PIK3C3: variants seen among roughly 807,000 people sequenced by gnomAD.
PIK3C3 encodes the protein PI3-kinase type 3.
PIK3C3 carries 95 observed loss-of-function variants against 126.1 expected under a neutral mutation model. That is an observed-to-expected ratio of 0.75 (90% CI 0.64 to 0.89). The LOEUF (loss-of-function observed/expected upper bound fraction) is 0.89. Ranked by LOEUF, PIK3C3 falls within the 40% of genes least tolerant of loss-of-function variation. The pLI is 0.00. For missense variants in PIK3C3, 829 were observed against 1,063.2 expected (o/e 0.78, Z 3.06); for synonymous variants, 374 against 360.0 (o/e 1.04, Z -0.44).
chr18:41,967,720 C>G (rs1268346309), intron 3 of PIK3C3, among the ~76,000 whole-genome samples: 2 of 152,150 alleles, frequency 1.3e-5, no homozygotes, highest in African/African-American at 4.8e-5. Flanking sequence ...TTCAAAGTAG[C>G]TAAAGAATGG....
intron 13 of PIK3C3, among the ~76,000 whole-genome samples, chr18:42,024,982 T>C (rs1983495185): frequency 6.6e-6 from 1 of 151,698 alleles, no homozygotes. Context: ...TTTTTTGTAT[T>C]TTTTTTAGTA....
chr18:42,054,175 T>TATATAG (rs1984950106), intron 21 of PIK3C3, among the ~76,000 whole-genome samples: 1 of 75,392 alleles, frequency 1.3e-5, no homozygotes, highest in Non-Finnish European at 2.5e-5. Flanking sequence ...TATATATATA[T>TATATAG]ATATATATAT....
At chr18:42,010,522 C>T (rs535677621) in intron 10 of PIK3C3, among the ~76,000 whole-genome samples, 68 of 152,164 alleles carry the variant, frequency 4.5e-4, no homozygotes, top group Non-Finnish European at 7.2e-4. Flanking sequence ...TATGCCACTG[C>T]GCCCACCTAA....
chr18:42,041,666 G>GT (rs1344279109), intron 19 of PIK3C3, among the ~76,000 whole-genome samples: 2 of 151,660 alleles, frequency 1.3e-5, no homozygotes, highest in Non-Finnish European at 2.9e-5. Context: ...GAAGGGCTTG[G>GT]TAGATGATGT....
In PIK3C3 at chr18:42,076,191, T is replaced by TGC. The variant is rs71370025; in HGVS notation, c.2650-4931_2650-4930dup. On this transcript the variant is annotated intron_variant, in intron 24 of 24. Transcript: ENST00000262039. ...ATATATATATATGCACATATATATA[T>TGC]GCACACATATATATATGCACATATA... Among the ~76,000 whole-genome samples the TGC allele has an allele frequency of 3.7e-4, 41 of 110,894 alleles. No homozygotes were observed. In the East Asian group the frequency reaches 0.011, roughly 28 times the overall value. The allele number at this position is 110,894 out of a possible 152,430, so 72.8% of individuals were successfully genotyped here.
intron 24 of PIK3C3, among the ~76,000 whole-genome samples, chr18:42,076,089 C>CACATATAT (rs1985962773): frequency 1.8e-5 from 1 of 54,660 alleles, no homozygotes; most frequent in African/African-American, 7.9e-5. Flanking sequence ...CTTTACCTTG[C>CACATATAT]ATATATATAT....
chr18:42,010,283 AT>A (rs1324384968), intron 10 of PIK3C3, among the ~76,000 whole-genome samples: 2 of 152,184 alleles, frequency 1.3e-5, no homozygotes, highest in Admixed American at 6.5e-5. Flanking sequence ...GATTGCAGCA[AT>A]TCAGTCACAT....
chr18:42,052,045 C>G (rs1984829982), intron 21 of PIK3C3, among the ~76,000 whole-genome samples: 1 of 151,844 alleles, frequency 6.6e-6, no homozygotes, highest in Non-Finnish European at 1.5e-5. Context: ...AGTATTACAT[C>G]TGTAATTTTA....
chr18:42,058,510 G>A (rs1016349704), intron 22 of PIK3C3, among the ~76,000 whole-genome samples: 2 of 152,104 alleles, frequency 1.3e-5, no homozygotes, highest in African/African-American at 4.8e-5. Context: ...AGTGATATTA[G>A]TTCAATCATT....
At chr18:42,046,660 A>T (rs1984572360) in intron 20 of PIK3C3, among the ~76,000 whole-genome samples, 1 of 152,140 alleles carries the variant, frequency 6.6e-6, no homozygotes, top group Non-Finnish European at 1.5e-5. Context: ...ATTTTCTAGC[A>T]AATTTATTTC....
rs1314592035 is a variant in PIK3C3, at chr18:42,033,945, T to C, written c.1827T>C (p.Ala609=). Residue 609 remains alanine (A), a synonymous_variant, in exon 16 of 25, where the codon GCT becomes GCC. Transcript: ENST00000262039. ...TTAGAGGAATAATTCCGGAAACAGC[T>C]ACACTGTTTAAAGTAATTGTGATGG... The part of the protein sequence containing the change: ...VKIRGIIPET[A]TLFKSALMPA... 1 of 1,601,098 alleles carries C rather than the reference T, an allele frequency of 6.2e-7. No homozygotes were observed. The highest frequency in any genetic ancestry group is 1.3e-5 in the African/African-American group (1 of 74,294).
chr18:42,033,075 A>T (rs1278151855), intron 15 of PIK3C3, among the ~76,000 whole-genome samples: 1 of 152,114 alleles, frequency 6.6e-6, no homozygotes, highest in Non-Finnish European at 1.5e-5. Context: ...TTAAAGAACA[A>T]ACTCACCTAT....
rs775480477 is a variant in PIK3C3 at position 42,033,935 on chromosome 18, C to T, written c.1817C>T (p.Pro606Leu). The change falls in exon 16 of 25, where the codon CCG (proline) becomes CTG (leucine). Residue 606 changes from proline (P) to leucine (L), a missense_variant. Transcript: ENST00000262039. Reference protein sequence around the residue: ...EPQVKIRGIIPETATLFKSAL... With the variant: ...EPQVKIRGIILETATLFKSAL... ...CAAGTGAAAATTAGAGGAATAATTCCGGAAACAGCTACACTGTTTAAAGTA... is the reference window on the plus strand; with the variant it reads ...CAAGTGAAAATTAGAGGAATAATTCTGGAAACAGCTACACTGTTTAAAGTA... 2.5e-6 allele frequency: 4 copies of T among 1,605,890 alleles called. No individual in the cohort carries two copies. Among genetic ancestry groups the T allele is most frequent in the Non-Finnish European group, 3.4e-6 (4 of 1,175,800 alleles).
chr18:42,048,349 G>A (rs1159378651), intron 20 of PIK3C3, among the ~76,000 whole-genome samples: 1 of 152,186 alleles, frequency 6.6e-6, no homozygotes, highest in African/African-American at 2.4e-5. Context: ...AGACAGGAAG[G>A]AGAAAAGGCC....
Position 42,040,729 on chromosome 18 carries a change from G to A in PIK3C3, c.2091G>A (p.Glu697=), listed in dbSNP as rs111599281. ...CTGTGGCTGAAGTTCTTGATACAGA[G>A]GGAAGCATTCAGGTATGGTATCAAT... ...SVPVAEVLDT[E]GSIQNFFRKY... The change falls in exon 19 of 25, where the codon GAG becomes GAA. Residue 697 remains glutamate (E), a synonymous_variant. Transcript: ENST00000262039. 2.9e-5 allele frequency: 47 copies of A among 1,602,854 alleles called. No homozygotes were observed. In the African/African-American group the frequency reaches 4.9e-4, roughly 17 times the overall value.
At chr18:42,020,538 A>C (rs1983274312) in intron 12 of PIK3C3, 100 bp from the exon 13 acceptor site, 2 of 694,306 alleles carry the variant, frequency 2.9e-6, no homozygotes. Flanking sequence ...CTATTACATA[A>C]GATATACAGA....
intron 21 of PIK3C3, among the ~76,000 whole-genome samples, chr18:42,056,320 T>C (rs1207101248): frequency 6.6e-6 from 1 of 152,146 alleles, no homozygotes; most frequent in Non-Finnish European, 1.5e-5. Flanking sequence ...TGTTTGAGTT[T>C]TCTGACAAGA....
At chr18:41,994,663 A>G (rs756246425) in intron 7 of PIK3C3, among the ~76,000 whole-genome samples, 1 of 152,148 alleles carries the variant, frequency 6.6e-6, no homozygotes, top group Non-Finnish European at 1.5e-5. Flanking sequence ...ATTAATTTGG[A>G]AAAAAATAAT....
At chr18:42,069,755 G>T (rs1985699014) in intron 24 of PIK3C3, among the ~76,000 whole-genome samples, 1 of 152,018 alleles carries the variant, frequency 6.6e-6, no homozygotes, top group South Asian at 2.1e-4. Flanking sequence ...TGTAGATTCT[G>T]GTTTTTCTCC....
Sources: gnomAD v4.1 joint callset for allele counts (sites outside exome capture counted in the v4.1 genomes callset) on GRCh38, gnomAD v4.1.1 for gene constraint, MANE v1.5 for transcripts, NCBI Gene and HGNC (gene_info 2026-07-23, HGNC 2026-07-21) for gene names.